The following VPS13D variants were observed in gnomAD, a reference collection of about 807,000 sequenced individuals.
VPS13D encodes the protein intermembrane lipid transfer protein VPS13D.
VPS13D carries 187 observed loss-of-function variants against 461.9 expected under a neutral mutation model. The observed-to-expected ratio is 0.40, with a 90% CI of 0.36 to 0.46. The LOEUF (loss-of-function observed/expected upper bound fraction) is 0.46. Among genes scored for constraint, VPS13D ranks in the 20% least tolerant of loss-of-function variants. VPS13D has a pLI of 0.60. For missense variants in VPS13D, 4,711 were observed against 5,364.9 expected, an observed-to-expected ratio of 0.88 and a Z score of 3.81; for synonymous variants, 1,951 against 1,986.3, an observed-to-expected ratio of 0.98 and a Z score of 0.47.
At chr1:12,398,317 C>G (rs751837429) in intron 60 of VPS13D, among the ~76,000 whole-genome samples, 10 of 152,148 alleles carry the variant, frequency 6.6e-5, no homozygotes, top group Non-Finnish European at 1.5e-4. Context: ...CCACCTCTTC[C>G]ACTTACAAGC....
At position 12,395,996 on chromosome 1, in the gene VPS13D, G is replaced by GATATATATATATATATATATATATATAT. The variant is rs58476786; in HGVS notation, c.11635-4179_11635-4152dup. Reference sequence around the variant, plus strand: ...TCTTAGAGGGATAGAACTAATAGGAGATATATATATATATATATATATATA... The same window carrying GATATATATATATATATATATATATATAT: ...TCTTAGAGGGATAGAACTAATAGGAGATATATATATATATATATATATATATATATATATATATATATATATATATATA... On this transcript the variant is annotated intron_variant, in intron 60 of 69. Coordinates refer to ENST00000620676, the MANE Select transcript of VPS13D (RefSeq NM_015378.4). 2.8e-4 allele frequency among the ~76,000 whole-genome samples: 21 copies of GATATATATATATATATATATATATATAT among 73,762 alleles called. 1 individual carries two copies. The highest frequency in any genetic ancestry group is 5.3e-4 in the South Asian group (1 of 1,884). The allele number at this position is 73,762 out of a possible 152,430, so 48.4% of individuals were successfully genotyped here.
At chr1:12,316,774 C>T (rs1385305752) in intron 30 of VPS13D, among the ~76,000 whole-genome samples, 2 of 148,514 alleles carry the variant, frequency 1.3e-5, no homozygotes, top group Middle Eastern at 3.4e-3. Context: ...CGCTTTTGGG[C>T]TTACGGAACC....
chr1:12,255,839 C>T (rs974435720), intron 7 of VPS13D, among the ~76,000 whole-genome samples: 1 of 144,988 alleles, frequency 6.9e-6, no homozygotes, highest in Admixed American at 7.1e-5. Context: ...TGCAGTGAGC[C>T]GAGATTGCAT....
At chr1:12,410,894 C>T (rs1487747899) in intron 63 of VPS13D, among the ~76,000 whole-genome samples, 1 of 152,302 alleles carries the variant, frequency 6.6e-6, no homozygotes, top group East Asian at 1.9e-4. Flanking sequence ...TGCATAAAAG[C>T]TGTTTGACAA....
chr1:12,266,027 G>A (rs1332707408), intron 13 of VPS13D, among the ~76,000 whole-genome samples: 3 of 152,084 alleles, frequency 2.0e-5, no homozygotes, highest in African/African-American at 7.2e-5. Context: ...GTTGGTCATG[G>A]TGACATGCTC....
chr1:12,319,717 T>G (rs1376618977), intron 32 of VPS13D, 87 bp downstream of exon 32: 2 of 1,577,258 alleles, frequency 1.3e-6, no homozygotes, highest in Non-Finnish European at 1.7e-6. Flanking sequence ...TAAACTTTCA[T>G]GAGGGGAAGG....
At chr1:12,257,115 A>G (rs1640948111) in intron 9 of VPS13D, 28 bp downstream of exon 9, 2 of 1,596,016 alleles carry the variant, frequency 1.3e-6, no homozygotes, top group South Asian at 2.2e-5. Flanking sequence ...TGGTCATGAA[A>G]TTCATGTTAG....
intron 65 of VPS13D, among the ~76,000 whole-genome samples, chr1:12,424,050 C>T (rs557296957): frequency 5.3e-5 from 8 of 152,258 alleles, no homozygotes; most frequent in Middle Eastern, 6.8e-3. Context: ...CCCATAATAG[C>T]TTTTCCATGT....
chr1:12,309,788 A>C (rs1213917539), intron 27 of VPS13D, among the ~76,000 whole-genome samples: 2 of 151,558 alleles, frequency 1.3e-5, no homozygotes, highest in Non-Finnish European at 2.9e-5. Flanking sequence ...AGAAAGAAAG[A>C]AAAACAGGTT....
rs527261005 is a variant in VPS13D, at chr1:12,366,513, G to A, written c.10449-1955G>A. The stretch of plus-strand genomic sequence containing the variant: ...GGGGAGGGAAAAGGGATTCTATAGC[G>A]AAAACCACCATTGTTTTGTATATTC... On this transcript the variant is annotated intron_variant, in intron 52 of 69. Coordinates refer to ENST00000620676, the MANE Select transcript of VPS13D (RefSeq NM_015378.4). Among the ~76,000 whole-genome samples the A allele has an allele frequency of 2.0e-5, 3 of 152,270 alleles. 1 individual carries two copies. The highest frequency in any genetic ancestry group is 6.5e-5 in the Admixed American group (1 of 15,294).
At chr1:12,233,012 CT>C (rs1177244701) in intron 1 of VPS13D, among the ~76,000 whole-genome samples, 55 of 142,630 alleles carry the variant, frequency 3.9e-4, no homozygotes, top group Non-Finnish European at 3.5e-4. Flanking sequence ...GTTTCTTTTT[CT>C]TTTTTTTTTT....
intron 25 of VPS13D, among the ~76,000 whole-genome samples, chr1:12,302,554 ATTTG>A (rs1642453485): frequency 6.6e-6 from 1 of 152,100 alleles, no homozygotes; most frequent in African/African-American, 2.4e-5. Context: ...ATTTCCCTGT[ATTTG>A]TTTTTGAGGA....
chr1:12,446,045 T>C (rs1271445151), intron 65 of VPS13D, among the ~76,000 whole-genome samples: 1 of 152,228 alleles, frequency 6.6e-6, no homozygotes, highest in African/African-American at 2.4e-5. Flanking sequence ...AGTTAGTTGT[T>C]AGAAACAATA....
intron 20 of VPS13D, among the ~76,000 whole-genome samples, chr1:12,280,234 AC>A (rs1182293341): frequency 1.3e-5 from 2 of 152,010 alleles, no homozygotes; most frequent in South Asian, 4.2e-4. Context: ...GGCTCTTAGG[AC>A]GGTCTGTGGT....
chr1:12,242,600 A>G lies in VPS13D; in HGVS notation c.175+10A>G. The G allele has an allele frequency of 1.2e-6, 2 of 1,612,504 alleles. No individual in the cohort carries two copies. Among genetic ancestry groups the G allele is most frequent in the Non-Finnish European group, 1.7e-6 (2 of 1,178,634 alleles). ...TTTGAAGTCAAAGCTGGTATGTGGA[A>G]CTAAAGGAGGGGGAAGAAATTTGAG... is the stretch of plus-strand genomic sequence containing the variant. On this transcript the variant is annotated intron_variant, in intron 3 of 69. Coordinates refer to ENST00000620676, the MANE Select transcript of VPS13D (RefSeq NM_015378.4).
chr1:12,405,121 A>G (rs1236023176), intron 63 of VPS13D, among the ~76,000 whole-genome samples: 1 of 152,228 alleles, frequency 6.6e-6, no homozygotes, highest in Admixed American at 6.5e-5. Context: ...GTGGAGCTGC[A>G]CACCGGGGTG....
Position 12,338,301 on chromosome 1 carries a change from T to C in VPS13D, c.8622T>C (p.Ala2874=). 6.2e-7 allele frequency: 1 copy of C among 1,613,490 alleles called. No homozygotes were observed. Among genetic ancestry groups the C allele is most frequent in the African/African-American group, 1.3e-5 (1 of 75,042 alleles). The change falls in exon 40 of 70, where the codon GCT becomes GCC. Residue 2874 remains alanine (A), a synonymous_variant. Transcript: ENST00000620676. ...SLTNLEHQIY[A]RAEVKTPKRR... ...CTAACCTAGAGCACCAGATCTATGC[T>C]AGAGGTACAGTATAGCCAAGCGAGG...
At chr1:12,431,256 A>G (rs951148146) in intron 65 of VPS13D, among the ~76,000 whole-genome samples, 9 of 152,184 alleles carry the variant, frequency 5.9e-5, no homozygotes, top group Admixed American at 3.9e-4. Context: ...CAAAGCTACA[A>G]TAGCTTTTCC....
At position 12,495,396 on chromosome 1, in the gene VPS13D, G is replaced by A. The variant is rs192572324; in HGVS notation, c.12663-2104G>A. 2.2e-3 allele frequency among the ~76,000 whole-genome samples: 329 copies of A among 152,198 alleles called. 2 individuals are homozygous for A. Among genetic ancestry groups the A allele is most frequent in the African/African-American group, 7.5e-3 (313 of 41,534 alleles). The stretch of plus-strand genomic sequence containing the variant: ...GATGATCTTGATCTCCTGACCCTGT[G>A]ATCCATCCGCCTCGGCCTCCCAAAG... On this transcript the variant is annotated intron_variant, in intron 67 of 69. Coordinates refer to ENST00000620676, the MANE Select transcript of VPS13D (RefSeq NM_015378.4). The surrounding 1 kb of genome is among the most constrained non-coding windows in gnomAD (Gnocchi z 4.0).
Sources: allele counts gnomAD v4.1 joint callset (sites outside exome capture counted in the v4.1 genomes callset), GRCh38; gene constraint gnomAD v4.1.1; non-coding constraint Gnocchi (gnomAD v3.1); transcripts MANE v1.5; gene names NCBI Gene and HGNC (gene_info 2026-07-23, HGNC 2026-07-21).